Variants in ANO3 observed in about 807,000 individuals in gnomAD.
ANO3 encodes anoctamin-3.
A neutral mutation model predicts 144.8 loss-of-function variants in ANO3; 99 were observed. The ratio of observed to expected loss-of-function variants is 0.68; its 90% CI spans 0.58 to 0.81. The LOEUF (loss-of-function observed/expected upper bound fraction) is 0.81. ANO3 is among the 30% of genes least tolerant of loss of function. The pLI is 0.00. For missense variants in ANO3, 905 were observed against 1,202.2 expected (o/e 0.75, Z 3.66); for synonymous variants, 414 against 392.6 (o/e 1.05, Z -0.64).
At chr11:26,248,403 G>A (rs1055019643) in intron 1 of ANO3, among the ~76,000 whole-genome samples, 1 of 152,076 alleles carries the variant, frequency 6.6e-6, no homozygotes, top group African/African-American at 2.4e-5. Context: ...TTTCTTCCAA[G>A]CTGATCTCTT....
intron 1 of ANO3, among the ~76,000 whole-genome samples, chr11:26,409,225 C>T (rs566634736): frequency 1.3e-4 from 19 of 151,832 alleles, no homozygotes; most frequent in Non-Finnish European, 1.6e-4. Context: ...TTCTTACACT[C>T]TAGCAGGTAT....
intron 11 of ANO3, among the ~76,000 whole-genome samples, chr11:26,543,770 A>G (rs2663164): frequency 0.66 from 99,943 of 151,870 alleles, 33,156 homozygotes; most frequent in East Asian, 0.8. Context: ...CATCCATGTC[A>G]CTACAAAGGA....
At chr11:26,378,398 T>A (rs1856475152) in intron 1 of ANO3, among the ~76,000 whole-genome samples, 1 of 125,174 alleles carries the variant, frequency 8.0e-6, no homozygotes, top group Admixed American at 9.3e-5. Flanking sequence ...AATCTATATA[T>A]TATCTATCTA....
chr11:26,578,565 C>T (rs1341893943), intron 14 of ANO3, among the ~76,000 whole-genome samples: 1 of 152,050 alleles, frequency 6.6e-6, no homozygotes, highest in Non-Finnish European at 1.5e-5. Flanking sequence ...AAAGGCAATC[C>T]CTGTTCCTGG....
intron 17 of ANO3, among the ~76,000 whole-genome samples, chr11:26,612,148 AT>A (rs1171538132): frequency 6.6e-6 from 1 of 151,946 alleles, no homozygotes; most frequent in African/African-American, 2.4e-5. Flanking sequence ...CATTTAGTTA[AT>A]GATTTCTTGG....
intron 3 of ANO3, among the ~76,000 whole-genome samples, chr11:26,447,793 C>A (rs1437067906): frequency 1.3e-5 from 2 of 152,134 alleles, no homozygotes; most frequent in African/African-American, 4.8e-5. Context: ...CAGAATTATT[C>A]TCAAAAGTGC....
chr11:26,531,734 T>C (rs1849376449), intron 8 of ANO3, among the ~76,000 whole-genome samples: 2 of 145,568 alleles, frequency 1.4e-5, no homozygotes, highest in African/African-American at 4.9e-5. Context: ...TCAATTAACA[T>C]ATATTTATTA....
intron 1 of ANO3, among the ~76,000 whole-genome samples, chr11:26,288,593 G>A (rs1039010859): frequency 1.3e-5 from 2 of 151,968 alleles, no homozygotes; most frequent in Non-Finnish European, 2.9e-5. Context: ...ACTTCCGGTG[G>A]CCTCTACACT....
intron 1 of ANO3, among the ~76,000 whole-genome samples, chr11:26,345,857 C>T (rs1453383185): frequency 6.6e-6 from 1 of 152,124 alleles, no homozygotes; most frequent in Non-Finnish European, 1.5e-5. Flanking sequence ...GTACTATTAG[C>T]TCTGTTTTGC....
At chr11:26,275,526 A>G (rs866126055) in intron 1 of ANO3, among the ~76,000 whole-genome samples, 6 of 152,278 alleles carry the variant, frequency 3.9e-5, no homozygotes, top group East Asian at 3.9e-4. Flanking sequence ...ATTCAAAGCA[A>G]TCCATTAAAA....
intron 1 of ANO3, among the ~76,000 whole-genome samples, chr11:26,405,927 CT>C (rs961688549): frequency 6.6e-6 from 1 of 151,580 alleles, no homozygotes; most frequent in Non-Finnish European, 1.5e-5. Context: ...TTTCTAAAAG[CT>C]TTTTTTTCAT....
intron 1 of ANO3, among the ~76,000 whole-genome samples, chr11:26,236,903 G>A (rs1852543118): frequency 6.6e-6 from 1 of 151,578 alleles, no homozygotes; most frequent in Admixed American, 6.6e-5. Context: ...CATTATAAAT[G>A]GGGATATATA....
At chr11:26,490,792 G>T (rs1860675331) in intron 4 of ANO3, among the ~76,000 whole-genome samples, 1 of 152,154 alleles carries the variant, frequency 6.6e-6, no homozygotes, top group South Asian at 2.1e-4. Context: ...AATTTGGCAA[G>T]TGTTTCCTTC....
chr11:26,338,766 GC>G lies in ANO3; in HGVS notation c.46+6446del, dbSNP rs1461713744. Among the ~76,000 whole-genome samples, 3 of 152,022 alleles carry G rather than the reference GC, an allele frequency of 2.0e-5. No individual in the cohort carries two copies. The East Asian group carries it at 5.8e-4, about 30-fold the overall frequency. ...GTAACACTTGCTGTGAGGGTCTGGG[GC>G]TTCACTCCTGAAGTCAGTGAGACCA... On this transcript the variant is annotated intron_variant, in intron 1 of 26. Coordinates refer to ENST00000256737, the MANE Select transcript of ANO3 (RefSeq NM_031418.4).
chr11:26,624,591 A>C (rs1852520737), intron 18 of ANO3, 93 bp downstream of exon 18: 1 of 888,142 alleles, frequency 1.1e-6, no homozygotes. Context: ...GCATTTTAAT[A>C]ACTGCAATTA....
intron 1 of ANO3, among the ~76,000 whole-genome samples, chr11:26,423,852 G>C (rs1857832904): frequency 6.6e-6 from 1 of 151,878 alleles, no homozygotes; most frequent in Admixed American, 6.6e-5. Context: ...TATGGGCTTT[G>C]GAATCTAATA....
intron 1 of ANO3, among the ~76,000 whole-genome samples, chr11:26,437,685 A>G (rs1029120997): frequency 6.6e-6 from 1 of 152,194 alleles, no homozygotes. Flanking sequence ...TTCAACCCAC[A>G]TCTTTCTCCA....
intron 1 of ANO3, among the ~76,000 whole-genome samples, chr11:26,387,130 ATTTTTTTT>A (rs372622053): frequency 1.3e-4 from 17 of 128,346 alleles, no homozygotes; most frequent in Non-Finnish European, 1.5e-4. Flanking sequence ...CAAATGTAGT[ATTTTTTTT>A]TTTTTTTTTT....
chr11:26,397,095 G>A lies in ANO3; in HGVS notation c.47-44823G>A, dbSNP rs1198223427. Among the ~76,000 whole-genome samples the A allele has an allele frequency of 1.3e-5, 2 of 151,918 alleles. 1 individual carries two copies. The highest frequency in any genetic ancestry group is 4.2e-4 in the South Asian group (2 of 4,812). On this transcript the variant is annotated intron_variant, in intron 1 of 26. Transcript: ENST00000256737. ...GTTTCTTATTCTCCTCAGTTCATAGGACATTTAGGTGCAGCTATTGTCATC... is the reference window on the plus strand; with the variant it reads ...GTTTCTTATTCTCCTCAGTTCATAGAACATTTAGGTGCAGCTATTGTCATC...
Sources: allele counts gnomAD v4.1 joint callset (sites outside exome capture counted in the v4.1 genomes callset), GRCh38; gene constraint gnomAD v4.1.1; transcripts MANE v1.5; gene names NCBI Gene and HGNC (gene_info 2026-07-23, HGNC 2026-07-21).